STAT3: variants seen among roughly 807,000 people sequenced by gnomAD.
The protein encoded by STAT3 is DNA-binding protein APRF.
In STAT3, 7 loss-of-function variants were observed where a neutral mutation model predicts 114.3. That is an observed-to-expected ratio of 0.06 (90% CI 0.03 to 0.11). The LOEUF is 0.11. Ranked by LOEUF, STAT3 falls within the 10% of genes least tolerant of loss-of-function variation. The pLI is 1.00. For missense variants in STAT3, 364 were observed against 960.9 expected (o/e 0.38, Z 8.21); for synonymous variants, 331 against 354.5 (o/e 0.93, Z 0.74).
In STAT3 at chr17:42,329,476, G is replaced by C. The variant is rs892106322; in HGVS notation, c.1234-19C>G. On this transcript the variant is annotated intron_variant, in intron 13 of 23. Coordinates refer to ENST00000264657, the MANE Select transcript of STAT3 (RefSeq NM_139276.3). ...TCAGGGTCTGTAAGAAAAGAAAAAG[G>C]CAGGTGTCCTGTGAGGCTCTCCCTA... 6.2e-7 allele frequency: 1 copy of C among 1,614,184 alleles called. No homozygotes were observed. The highest frequency in any genetic ancestry group is 1.3e-5 in the African/African-American group (1 of 75,026).
rs1306270244 is a variant in STAT3 at position 42,333,630 on chromosome 17, C to G, written c.1049+43G>C. The G allele has an allele frequency of 6.2e-7, 1 of 1,603,510 alleles. No homozygotes were observed. The highest frequency in any genetic ancestry group is 8.5e-7 in the Non-Finnish European group (1 of 1,170,814). On this transcript the variant is annotated intron_variant, in intron 10 of 23. Coordinates refer to ENST00000264657, the MANE Select transcript of STAT3 (RefSeq NM_139276.3). The surrounding 1 kb of genome is among the most constrained non-coding windows in gnomAD (Gnocchi z 5.2). The stretch of plus-strand genomic sequence containing the variant: ...ACTCTACCCTCACCCTAACAGTGTC[C>G]CTCAGTAAAATCTCTACTGGAAATG...
At chr17:42,379,004 C>T (rs752896826) in intron 1 of STAT3, among the ~76,000 whole-genome samples, 13 of 152,106 alleles carry the variant, frequency 8.5e-5, no homozygotes, top group Non-Finnish European at 1.8e-4. Flanking sequence ...GGTCAGAATA[C>T]CACAAACTAA....
At chr17:42,347,214 A>G (rs2082742546) in intron 2 of STAT3, among the ~76,000 whole-genome samples, 1 of 152,000 alleles carries the variant, frequency 6.6e-6, no homozygotes, top group African/African-American at 2.4e-5. Context: ...CCACAAAACA[A>G]AAAAACAATT....
At chr17:42,363,770 G>T (rs577495476) in intron 1 of STAT3, among the ~76,000 whole-genome samples, 1 of 151,992 alleles carries the variant, frequency 6.6e-6, no homozygotes, top group Admixed American at 6.6e-5. Flanking sequence ...ACTTTCATAA[G>T]TGTTGTCTTC....
chr17:42,317,501 C>G (rs546233599), intron 21 of STAT3: 2 of 541,754 alleles, frequency 3.7e-6, no homozygotes, highest in South Asian at 4.2e-5. Flanking sequence ...TGACCCTAGA[C>G]TAATGCCACC....
At chr17:42,328,032 G>A (rs1304459930) in intron 14 of STAT3, among the ~76,000 whole-genome samples, 5 of 102,884 alleles carry the variant, frequency 4.9e-5, no homozygotes, top group South Asian at 3.1e-4. Flanking sequence ...ACGAGACTCC[G>A]ACTCAAAAAA....
intron 23 of STAT3, 69 bp from the exon 24 acceptor site, chr17:42,315,869 C>T: frequency 6.2e-7 from 1 of 1,612,458 alleles, no homozygotes; most frequent in Non-Finnish European, 8.5e-7. Flanking sequence ...ACGCCCCCAG[C>T]CCTTCAGAGG....
chr17:42,314,100 G>A lies in STAT3; in HGVS notation c.*1645C>T, dbSNP rs1055885995. The A allele has an allele frequency of 1.2e-4, 28 of 232,174 alleles. No individual in the cohort carries two copies. Among genetic ancestry groups the A allele is most frequent in the Non-Finnish European group, 1.9e-4 (22 of 117,292 alleles). The allele number at this position is 232,174 out of a possible 1,614,324, so 14.4% of individuals were successfully genotyped here. ...AGCTAGCCAGCCAAGGCGGGCAGGC[G>A]GGGAGGCCCTCTAGCTGTTCTGCCT... On this transcript the variant is annotated 3_prime_UTR_variant, in exon 24 of 24. Transcript: ENST00000264657.
At chr17:42,384,253 C>T (rs933243985) in intron 1 of STAT3, among the ~76,000 whole-genome samples, 4 of 151,566 alleles carry the variant, frequency 2.6e-5, no homozygotes, top group South Asian at 2.1e-4. Flanking sequence ...CTCAGCCTCC[C>T]GAGTAGCTGG....
At chr17:42,320,957 G>A (rs1298073243) in intron 21 of STAT3, among the ~76,000 whole-genome samples, 1 of 151,666 alleles carries the variant, frequency 6.6e-6, no homozygotes, top group Non-Finnish European at 1.5e-5. Flanking sequence ...TTGTGTGTGT[G>A]TGTGTGTGTG....
intron 1 of STAT3, among the ~76,000 whole-genome samples, chr17:42,363,371 T>A (rs1233283202): frequency 2.6e-5 from 4 of 152,102 alleles, no homozygotes; most frequent in African/African-American, 9.7e-5. Context: ...CAATGCAAAA[T>A]CTTTACCCTT....
At chr17:42,359,464 C>T (rs76166870) in intron 1 of STAT3, among the ~76,000 whole-genome samples, 129 of 152,162 alleles carry the variant, frequency 8.5e-4, no homozygotes, top group African/African-American at 2.6e-3. Context: ...TGGGTGGTGA[C>T]CTGATCAAAT....
At chr17:42,374,610 C>CAAAAA (rs1260078348) in intron 1 of STAT3, among the ~76,000 whole-genome samples, 1 of 120,920 alleles carries the variant, frequency 8.3e-6, no homozygotes, top group Non-Finnish European at 1.7e-5. Context: ...AACTCCATCT[C>CAAAAA]AAAAAAAAAA....
At chr17:42,329,383 T>C (rs2144765405) in intron 14 of STAT3, 27 bp downstream of exon 14, 1 of 1,613,112 alleles carries the variant, frequency 6.2e-7, no homozygotes, top group Non-Finnish European at 8.5e-7. Context: ...AACACCCCAG[T>C]TGTCTTTCAT....
chr17:42,385,615 C>G (rs1215948706), intron 1 of STAT3, among the ~76,000 whole-genome samples: 1 of 152,010 alleles, frequency 6.6e-6, no homozygotes, highest in Admixed American at 6.6e-5. Flanking sequence ...GTCACCACCT[C>G]TACCCCACCT....
intron 1 of STAT3, among the ~76,000 whole-genome samples, chr17:42,375,900 C>A (rs909241845): frequency 6.6e-6 from 1 of 151,550 alleles, no homozygotes. Flanking sequence ...CACCTGTAAT[C>A]CCAGCACTTT....
chr17:42,344,420 C>CAAAA (rs35455295), intron 4 of STAT3, among the ~76,000 whole-genome samples: 1 of 121,808 alleles, frequency 8.2e-6, no homozygotes, highest in Admixed American at 9.2e-5. Context: ...GACTCTGTCT[C>CAAAA]AAAAAAAAAA....
At chr17:42,343,003 A>C (rs77778924) in intron 4 of STAT3, among the ~76,000 whole-genome samples, 2 of 112,330 alleles carry the variant, frequency 1.8e-5, no homozygotes, top group African/African-American at 1.3e-4. Flanking sequence ...CATCTCTACC[A>C]AAAAAAAAAA....
chr17:42,362,605 C>A (rs150477747), intron 1 of STAT3, among the ~76,000 whole-genome samples: 1 of 152,206 alleles, frequency 6.6e-6, no homozygotes, highest in Non-Finnish European at 1.5e-5. Context: ...GATCACTTAG[C>A]GTGTAGCTGG....
Sources: gnomAD v4.1 joint callset for allele counts (sites outside exome capture counted in the v4.1 genomes callset) on GRCh38, gnomAD v4.1.1 for gene constraint, Gnocchi (gnomAD v3.1) non-coding constraint, MANE v1.5 for transcripts, NCBI Gene and HGNC (gene_info 2026-07-23, HGNC 2026-07-21) for gene names.